HIVEP3: variants seen among roughly 807,000 people sequenced by gnomAD.
The protein encoded by HIVEP3 is HIVEP zinc finger 3, also known as transcription factor HIVEP3.
HIVEP3 carries 49 observed loss-of-function variants against 152.8 expected under a neutral mutation model. That is an observed-to-expected ratio of 0.32 (90% CI 0.26 to 0.41). HIVEP3 has a LOEUF of 0.41. Among genes scored for constraint, HIVEP3 ranks in the 10% least tolerant of loss-of-function variants. The probability of loss-of-function intolerance (pLI) is 1.00; values close to 1 mark genes in which losing one functional copy is unlikely to be tolerated. For missense variants in HIVEP3, 2,790 were observed against 3,103.3 expected (o/e 0.90, Z 2.40); for synonymous variants, 1,269 against 1,289.0 (o/e 0.98, Z 0.33).
At chr1:41,516,347 G>A (rs1360856493) in intron 7 of HIVEP3, among the ~76,000 whole-genome samples, 1 of 152,206 alleles carries the variant, frequency 6.6e-6, no homozygotes, top group African/African-American at 2.4e-5. Context: ...GTTCTCCCAC[G>A]CGCCACCTCG....
intron 1 of HIVEP3, among the ~76,000 whole-genome samples, chr1:41,711,672 C>T (rs879446848): frequency 1.3e-5 from 2 of 152,196 alleles, no homozygotes; most frequent in African/African-American, 2.4e-5. Context: ...CCCTTTTATG[C>T]CTTCTCCTCG....
At chr1:41,670,551 G>T (rs1250005454) in intron 2 of HIVEP3, among the ~76,000 whole-genome samples, 3 of 152,188 alleles carry the variant, frequency 2.0e-5, no homozygotes, top group Non-Finnish European at 4.4e-5. Flanking sequence ...TGTTCTAGGG[G>T]AAAGAGACAG....
intron 3 of HIVEP3, among the ~76,000 whole-genome samples, chr1:41,617,833 T>C (rs1228775489): frequency 1.3e-5 from 2 of 152,222 alleles, no homozygotes; most frequent in Non-Finnish European, 2.9e-5. Flanking sequence ...CACTCTTTAA[T>C]TAGAGAAGAT....
chr1:42,010,697 C>T (rs1645488114), intron 1 of HIVEP3, among the ~76,000 whole-genome samples: 1 of 152,176 alleles, frequency 6.6e-6, no homozygotes, highest in Non-Finnish European at 1.5e-5. Context: ...CAACTTCATA[C>T]CTTTGGCTGT....
chr1:41,867,914 C>T (rs1157230179), intron 1 of HIVEP3, among the ~76,000 whole-genome samples: 1 of 151,904 alleles, frequency 6.6e-6, no homozygotes, highest in Non-Finnish European at 1.5e-5. Context: ...CTCCCTGCTT[C>T]GATCTCTGCC....
At chr1:41,800,626 G>A (rs1650246613) in intron 1 of HIVEP3, among the ~76,000 whole-genome samples, 1 of 152,252 alleles carries the variant, frequency 6.6e-6, no homozygotes, top group Admixed American at 6.5e-5. Flanking sequence ...TTTGAGTGTA[G>A]TCTGTTAAGC....
At chr1:41,702,369 C>T (rs1379178533) in intron 1 of HIVEP3, among the ~76,000 whole-genome samples, 2 of 152,106 alleles carry the variant, frequency 1.3e-5, no homozygotes, top group African/African-American at 4.8e-5. Context: ...ACTTAAAATA[C>T]CTTATAATAG....
intron 1 of HIVEP3, among the ~76,000 whole-genome samples, chr1:42,033,399 T>G (rs1645624291): frequency 6.6e-6 from 1 of 152,210 alleles, no homozygotes; most frequent in Non-Finnish European, 1.5e-5. Context: ...CATGAAGTCC[T>G]CAACCACTGC....
intron 1 of HIVEP3, among the ~76,000 whole-genome samples, chr1:41,958,304 T>G (rs1483152610): frequency 6.6e-6 from 1 of 152,226 alleles, no homozygotes; most frequent in Admixed American, 6.5e-5. Context: ...CCCTGAGGGT[T>G]CAGGAGCGAG....
chr1:41,659,804 C>T (rs1056447533), intron 2 of HIVEP3, among the ~76,000 whole-genome samples: 3 of 152,190 alleles, frequency 2.0e-5, no homozygotes, highest in African/African-American at 7.2e-5. Flanking sequence ...TTGGGTTGGC[C>T]CTGCAAAGCA....
Position 41,511,322 on chromosome 1 carries a change from G to A in HIVEP3, c.6406-56C>T. On this transcript the variant is annotated intron_variant, in intron 8 of 8. Coordinates refer to ENST00000372583, the MANE Select transcript of HIVEP3 (RefSeq NM_024503.5). The surrounding 1 kb of genome is among the most constrained non-coding windows in gnomAD (Gnocchi z 4.9). ...GAAGGTTACATGCTGGGCACATGGG[G>A]AGCCGAGGCCTGGAAGTGGGAGGGG... The A allele has an allele frequency of 1.4e-6, 2 of 1,435,778 alleles. No homozygotes were observed. The allele number at this position is 1,435,778 out of a possible 1,614,324, so 88.9% of individuals were successfully genotyped here.
intron 1 of HIVEP3, among the ~76,000 whole-genome samples, chr1:41,785,345 G>A (rs1649285205): frequency 6.6e-6 from 1 of 152,220 alleles, no homozygotes; most frequent in Admixed American, 6.5e-5. Flanking sequence ...AGAGAATGGG[G>A]AGGGTTGCAT....
chr1:41,622,932 C>T (rs1270324654), intron 3 of HIVEP3, among the ~76,000 whole-genome samples: 1 of 152,224 alleles, frequency 6.6e-6, no homozygotes, highest in Non-Finnish European at 1.5e-5. Context: ...ATTTAATCTG[C>T]AGAGTAACTG....
chr1:41,527,656 C>CCT (rs144779792), intron 5 of HIVEP3, among the ~76,000 whole-genome samples: 49,251 of 120,362 alleles, frequency 0.41, 11,166 homozygotes, highest in Non-Finnish European at 0.45. Context: ...CTCACACACC[C>CCT]GTTCTCACAC....
intron 2 of HIVEP3, among the ~76,000 whole-genome samples, chr1:41,637,490 G>A (rs554719648): frequency 6.6e-6 from 1 of 152,222 alleles, no homozygotes; most frequent in East Asian, 1.9e-4. Context: ...TGCCACTTCT[G>A]CCCCCATTTT....
At chr1:41,827,411 G>A (rs997831946) in intron 1 of HIVEP3, among the ~76,000 whole-genome samples, 1 of 152,012 alleles carries the variant, frequency 6.6e-6, no homozygotes, top group Admixed American at 6.5e-5. Context: ...ACCATCACCT[G>A]CAAGTGAATG....
intron 7 of HIVEP3, 141 bp from the exon 8 acceptor site, chr1:41,513,891 A>C (rs1317481731): frequency 6.5e-6 from 4 of 615,766 alleles, no homozygotes; most frequent in Non-Finnish European, 7.9e-6. Flanking sequence ...TTGTTGGGAC[A>C]ACCAAGAAAC....
At chr1:41,692,432 C>T (rs1282764651) in intron 2 of HIVEP3, among the ~76,000 whole-genome samples, 1 of 152,138 alleles carries the variant, frequency 6.6e-6, no homozygotes, top group Non-Finnish European at 1.5e-5. Context: ...GGAGTTATAG[C>T]GCCACTGGCC....
intron 2 of HIVEP3, among the ~76,000 whole-genome samples, chr1:41,640,436 GA>G (rs1645355367): frequency 6.6e-6 from 1 of 152,184 alleles, no homozygotes; most frequent in Non-Finnish European, 1.5e-5. Context: ...GGGTGCAATA[GA>G]AATCCCATGA....
Sources: gnomAD v4.1 joint callset for allele counts (sites outside exome capture counted in the v4.1 genomes callset) on GRCh38, gnomAD v4.1.1 for gene constraint, Gnocchi (gnomAD v3.1) non-coding constraint, MANE v1.5 for transcripts, NCBI Gene and HGNC (gene_info 2026-07-23, HGNC 2026-07-21) for gene names.